Variants in RAD50 observed in about 807,000 individuals in gnomAD.
RAD50 encodes the protein RAD50 double strand break repair protein.
Under a neutral mutation model 168.8 loss-of-function variants are expected in RAD50, and 132 were observed. The ratio of observed to expected loss-of-function variants is 0.78; its 90% CI spans 0.68 to 0.90. The LOEUF (loss-of-function observed/expected upper bound fraction) is 0.90. Among genes scored for constraint, RAD50 ranks in the 40% least tolerant of loss-of-function variants. The probability of loss-of-function intolerance (pLI) is 0.00; values close to 1 mark genes in which losing one functional copy is unlikely to be tolerated. For synonymous variants in RAD50, 525 were observed against 497.4 expected (o/e 1.06, Z -0.74); for missense variants, 1,347 against 1,534.4 (o/e 0.88, Z 2.04).
At position 132,557,245 on chromosome 5, in the gene RAD50, T is replaced by G. The variant is rs1415243176; in HGVS notation, c.-80T>G. 7 of 1,561,824 alleles carry G rather than the reference T, an allele frequency of 4.5e-6. No homozygotes were observed. The highest frequency in any genetic ancestry group is 6.2e-6 in the Non-Finnish European group (7 of 1,132,834). On this transcript the variant is annotated 5_prime_UTR_variant, in exon 1 of 25. Coordinates refer to ENST00000378823, the MANE Select transcript of RAD50 (RefSeq NM_005732.4). ...GACCCTGAGATTCGCGGGTCTCACGTCCCGTGCACGCCTTGCTTCGGCCTC... is the reference window on the plus strand; with the variant it reads ...GACCCTGAGATTCGCGGGTCTCACGGCCCGTGCACGCCTTGCTTCGGCCTC...
Position 132,643,118 on chromosome 5 carries a change from T to C in RAD50, c.*754T>C. 1.9e-6 allele frequency: 1 copy of C among 527,188 alleles called. No homozygotes were observed. Among genetic ancestry groups the C allele is most frequent in the East Asian group, 4.3e-5 (1 of 23,388 alleles). The allele number at this position is 527,188 out of a possible 1,614,324, so 32.7% of individuals were successfully genotyped here. A position where few individuals can be genotyped will look rare whatever the true frequency, so the allele number is the denominator to read the frequency against. ...CTGATCTGCCCATCGTGAAGAAGCC[T>C]GTAACACTCCTCTGCGTCTATCCTG... On this transcript the variant is annotated 3_prime_UTR_variant, in exon 25 of 25. Transcript: ENST00000378823.
intron 17 of RAD50, 74 bp from the exon 18 acceptor site, chr5:132,609,043 A>C: frequency 6.4e-7 from 1 of 1,568,488 alleles, no homozygotes; most frequent in African/African-American, 1.4e-5. Flanking sequence ...CTTCCCAGCC[A>C]GTGTTTTACT....
Position 132,611,495 on chromosome 5 carries a change from G to A in RAD50, c.3036+2099G>A, listed in dbSNP as rs1416872506. 3.9e-5 allele frequency among the ~76,000 whole-genome samples: 6 copies of A among 152,056 alleles called. No homozygotes were observed. The East Asian group carries it at 1.2e-3, about 29-fold the overall frequency. On this transcript the variant is annotated intron_variant, in intron 19 of 24. Transcript: ENST00000378823. Reference sequence around the variant, plus strand: ...CCAAGGCGGGCAGATCACGAGGTCAGGAGATCGAGACCATCCTGGCTAACA... The same window carrying A: ...CCAAGGCGGGCAGATCACGAGGTCAAGAGATCGAGACCATCCTGGCTAACA...
At chr5:132,579,579 C>T (rs556388308) in intron 4 of RAD50, 77 bp downstream of exon 4, 2 of 1,463,360 alleles carry the variant, frequency 1.4e-6, no homozygotes, top group Admixed American at 3.4e-5. Flanking sequence ...TTCTTTTTAA[C>T]AGAAAAAATT....
At chr5:132,626,490 A>G (rs1051469897) in intron 21 of RAD50, among the ~76,000 whole-genome samples, 3 of 152,270 alleles carry the variant, frequency 2.0e-5, no homozygotes, top group East Asian at 1.9e-4. Context: ...AATCTATACT[A>G]TTATTCAGTA....
At chr5:132,635,036 T>C (rs1378010305) in intron 21 of RAD50, among the ~76,000 whole-genome samples, 1 of 152,204 alleles carries the variant, frequency 6.6e-6, no homozygotes, top group Admixed American at 6.5e-5. Context: ...ACTTGGGAGC[T>C]AGGTGTGTCT....
At position 132,608,651 on chromosome 5, in the gene RAD50, T is replaced by C. The variant is rs369862952; in HGVS notation, c.2755T>C (p.Leu919=). The C allele has an allele frequency of 6.3e-6, 10 of 1,599,408 alleles. No homozygotes were observed. The African/African-American group carries it at 9.5e-5, about 15-fold the overall frequency. The change falls in exon 17 of 25, where the codon TTG becomes CTG. Residue 919 remains leucine (L), a synonymous_variant. Coordinates refer to ENST00000378823, the MANE Select transcript of RAD50 (RefSeq NM_005732.4). ...KEQVSPLETT[L]EKFQQEKEEL... ...GCAGGTAAGCCCTTTGGAAACAACATTGGAAAAGTTCCAGCAAGAAAAAGA... is the reference window on the plus strand; with the variant it reads ...GCAGGTAAGCCCTTTGGAAACAACACTGGAAAAGTTCCAGCAAGAAAAAGA...
chr5:132,594,776 T>C, intron 11 of RAD50, 93 bp from the exon 12 acceptor site: 1 of 1,286,808 alleles, frequency 7.8e-7, no homozygotes, highest in Admixed American at 1.8e-5. Context: ...TGTCATGATT[T>C]GTTGGCAGAA....
At chr5:132,573,637 C>T (rs940232139) in intron 2 of RAD50, among the ~76,000 whole-genome samples, 5 of 152,150 alleles carry the variant, frequency 3.3e-5, no homozygotes, top group Admixed American at 6.5e-5. Flanking sequence ...AGCATTAATT[C>T]AGAAGTCCAC....
rs901410939 is a variant in RAD50, at chr5:132,639,432, C to T, written c.3618+1209C>T. Among the ~76,000 whole-genome samples the T allele has an allele frequency of 5.3e-5, 8 of 151,570 alleles. No homozygotes were observed. In the East Asian group the frequency reaches 1.2e-3, roughly 22 times the overall value. On this transcript the variant is annotated intron_variant, in intron 23 of 24. Coordinates refer to ENST00000378823, the MANE Select transcript of RAD50 (RefSeq NM_005732.4). Reference sequence around the variant, plus strand: ...CTAGACAGCTGATCCCAATTTAAAGCATCTGCAGATTACTGTCTAAATCAT... The same window carrying T: ...CTAGACAGCTGATCCCAATTTAAAGTATCTGCAGATTACTGTCTAAATCAT...
At chr5:132,613,033 CTT>C (rs1751113376) in intron 19 of RAD50, among the ~76,000 whole-genome samples, 1 of 151,566 alleles carries the variant, frequency 6.6e-6, no homozygotes, top group South Asian at 2.1e-4. Context: ...CCCAGCTAGA[CTT>C]TTGGTGGACA....
intron 4 of RAD50, 62 bp downstream of exon 4, chr5:132,579,564 G>A: frequency 6.6e-7 from 1 of 1,521,962 alleles, no homozygotes; most frequent in Non-Finnish European, 9.1e-7. Context: ...TTGCAATTTG[G>A]ATGCTTCTTT....
intron 1 of RAD50, among the ~76,000 whole-genome samples, chr5:132,558,718 C>CA (rs35515008): frequency 0.14 from 10,455 of 73,282 alleles, 8 homozygotes; most frequent in Non-Finnish European, 0.19. Flanking sequence ...TCTCCCCCCA[C>CA]AAAAAAAAAA....
chr5:132,596,624 T>C (rs1316672336), intron 13 of RAD50, among the ~76,000 whole-genome samples: 1 of 152,242 alleles, frequency 6.6e-6, no homozygotes, highest in Non-Finnish European at 1.5e-5. Flanking sequence ...AAATATGTGA[T>C]GATTGCCTTA....
In RAD50 at chr5:132,589,805, A is replaced by T. The variant is rs1255581056; in HGVS notation, c.1420A>T (p.Ile474Phe). Reference protein sequence around the residue: ...LQQLEGSSDRILELDQELIKA... With the variant: ...LQQLEGSSDRFLELDQELIKA... ...GCAGTTGGAAGGATCTTCAGACAGG[A>T]TTCTTGAACTGGACCAGGAGCTCAT... is the stretch of plus-strand genomic sequence containing the variant. The change falls in exon 9 of 25, where the codon ATT becomes TTT. Residue 474 changes from isoleucine (I) to phenylalanine (F), a missense_variant. Ile to Phe is a conservative substitution (Grantham distance 21). Transcript: ENST00000378823. 3 of 1,613,592 alleles carry T rather than the reference A, an allele frequency of 1.9e-6. No individual in the cohort carries two copies. In the African/African-American group the frequency reaches 4.0e-5, roughly 22 times the overall value.
intron 17 of RAD50, 103 bp from the exon 18 acceptor site, chr5:132,609,014 T>G: frequency 6.7e-7 from 1 of 1,501,544 alleles, no homozygotes; most frequent in Non-Finnish European, 9.0e-7. Context: ...TGGTGGAAAC[T>G]GGAACCCAAT....
intron 23 of RAD50, among the ~76,000 whole-genome samples, chr5:132,639,918 G>A (rs960131136): frequency 2.0e-5 from 3 of 152,106 alleles, no homozygotes; most frequent in South Asian, 2.1e-4. Flanking sequence ...TGATGTGTGC[G>A]CACCCACCCA....
intron 21 of RAD50, among the ~76,000 whole-genome samples, chr5:132,634,691 A>G (rs1174275776): frequency 6.6e-6 from 1 of 152,106 alleles, no homozygotes; most frequent in East Asian, 1.9e-4. Context: ...CTTGCTGTGG[A>G]TATCTGAGGG....
intron 21 of RAD50, among the ~76,000 whole-genome samples, chr5:132,619,370 G>A (rs961445643): frequency 6.6e-6 from 1 of 152,128 alleles, no homozygotes; most frequent in Non-Finnish European, 1.5e-5. Flanking sequence ...GGTTTAAAAT[G>A]ATGAATCGTT....
Sources: gnomAD v4.1 joint callset for allele counts (sites outside exome capture counted in the v4.1 genomes callset) on GRCh38, gnomAD v4.1.1 for gene constraint, MANE v1.5 for transcripts, NCBI Gene and HGNC (gene_info 2026-07-23, HGNC 2026-07-21) for gene names.